Variants in RXRA observed in about 807,000 individuals in gnomAD.
RXRA encodes the protein retinoic acid receptor RXR-alpha.
Under a neutral mutation model 44.5 loss-of-function variants are expected in RXRA, and 5 were observed. That is an observed-to-expected ratio of 0.11 (90% CI 0.06 to 0.24). The LOEUF is 0.24. RXRA is among the 10% of genes least tolerant of loss of function. The pLI is 1.00. For synonymous variants in RXRA, 291 were observed against 271.4 expected, an observed-to-expected ratio of 1.07 and a Z score of -0.71; for missense variants, 412 against 646.5, an observed-to-expected ratio of 0.64 and a Z score of 3.93.
chr9:134,390,071 G>A (rs1016418807), intron 1 of RXRA, among the ~76,000 whole-genome samples: 3 of 152,214 alleles, frequency 2.0e-5, no homozygotes, highest in South Asian at 2.1e-4. Flanking sequence ...GGGGGTGGCC[G>A]TCCTGGGGGC....
intron 6 of RXRA, chr9:134,423,633 C>G (rs973827819): frequency 2.3e-5 from 23 of 985,360 alleles, no homozygotes; most frequent in South Asian, 4.7e-5. Context: ...CCGCTGGCCT[C>G]GTGTCTGGTG....
At chr9:134,378,626 C>T (rs1035425785) in intron 1 of RXRA, among the ~76,000 whole-genome samples, 3 of 152,222 alleles carry the variant, frequency 2.0e-5, no homozygotes, top group Admixed American at 6.5e-5. Flanking sequence ...CTGCCCCTGC[C>T]AGCCTCAGGA....
intron 1 of RXRA, among the ~76,000 whole-genome samples, chr9:134,334,310 C>T (rs1352764589): frequency 6.6e-6 from 1 of 152,256 alleles, no homozygotes; most frequent in African/African-American, 2.4e-5. Flanking sequence ...GGATCAGAAG[C>T]ACCTCTCCTG....
At position 134,342,618 on chromosome 9, in the gene RXRA, C is replaced by T. The variant is rs546872559; in HGVS notation, c.28+15959C>T. On this transcript the variant is annotated intron_variant, in intron 1 of 9. Transcript: ENST00000481739. The surrounding 1 kb of genome is among the most constrained non-coding windows in gnomAD (Gnocchi z 4.4). ...GACTGCTTGGGAGCTGCTGTGAGCC[C>T]AGGCAGGTGGTGGGGCTGCGGGGCT... Among the ~76,000 whole-genome samples, 8 of 152,268 alleles carry T rather than the reference C, an allele frequency of 5.3e-5. No homozygotes were observed. Among genetic ancestry groups the T allele is most frequent in the African/African-American group, 1.4e-4 (6 of 41,558 alleles).
At position 134,349,322 on chromosome 9, in the gene RXRA, C is replaced by A. The variant is rs1408528523; in HGVS notation, c.28+22663C>A. Among the ~76,000 whole-genome samples the A allele has an allele frequency of 4.6e-5, 7 of 152,280 alleles. No homozygotes were observed. The highest frequency in any genetic ancestry group is 1.7e-4 in the African/African-American group (7 of 41,566). On this transcript the variant is annotated intron_variant, in intron 1 of 9. Transcript: ENST00000481739. This position sits in a 1 kb window ranked among gnomAD's most constrained non-coding sequence, Gnocchi z 4.3. ...GGACAGCCGGGTGTCATTGGTGGGCCTGTTGGGCCGGGGCGCCTCGGCCTG... is the reference window on the plus strand; with the variant it reads ...GGACAGCCGGGTGTCATTGGTGGGCATGTTGGGCCGGGGCGCCTCGGCCTG...
chr9:134,399,261 C>T (rs912455467), intron 1 of RXRA, among the ~76,000 whole-genome samples: 6 of 152,212 alleles, frequency 3.9e-5, no homozygotes, highest in Admixed American at 1.3e-4. Flanking sequence ...GTTGCCTGGC[C>T]TAGGGGCAGC....
intron 5 of RXRA, among the ~76,000 whole-genome samples, chr9:134,420,533 C>T (rs911624992): frequency 2.0e-5 from 3 of 152,334 alleles, no homozygotes; most frequent in East Asian, 1.9e-4. Context: ...TGCCATTCCT[C>T]GGGGGCCTTC....
At chr9:134,393,484 G>A (rs1215718760) in intron 1 of RXRA, among the ~76,000 whole-genome samples, 1 of 152,240 alleles carries the variant, frequency 6.6e-6, no homozygotes, top group East Asian at 1.9e-4. Context: ...GGGCATCCCT[G>A]GACAGTGGCC....
intron 1 of RXRA, among the ~76,000 whole-genome samples, chr9:134,338,598 G>A (rs897243837): frequency 6.6e-6 from 1 of 152,254 alleles, no homozygotes; most frequent in Non-Finnish European, 1.5e-5. Context: ...TCCTGCCTAG[G>A]AAGCAGTGAT....
intron 3 of RXRA, 31 bp from the exon 4 acceptor site, chr9:134,408,909 C>A (rs1831101174): frequency 7.0e-7 from 1 of 1,436,336 alleles, no homozygotes; most frequent in African/African-American, 1.5e-5. Context: ...GCGGTGGGTG[C>A]TCCCCAGCCC....
intron 6 of RXRA, chr9:134,425,655 C>T: frequency 1.0e-6 from 1 of 985,006 alleles, no homozygotes; most frequent in Non-Finnish European, 1.2e-6. Context: ...CCCAAGGTCC[C>T]CCTGTGGGGA....
At position 134,368,247 on chromosome 9, in the gene RXRA, C is replaced by G. The variant is rs151294066; in HGVS notation, c.29-33385C>G. Among the ~76,000 whole-genome samples, 598 of 152,340 alleles carry G rather than the reference C, an allele frequency of 3.9e-3. 9 individuals carry two copies. The highest frequency in any genetic ancestry group is 0.013 in the African/African-American group (556 of 41,588). On this transcript the variant is annotated intron_variant, in intron 1 of 9. Coordinates refer to ENST00000481739, the MANE Select transcript of RXRA (RefSeq NM_002957.6). Reference sequence around the variant, plus strand: ...AGTGCCCTGTGTCCCCAGGGCTCTGCTGATGGTCAGCTGGCCTTGACAGGC... The same window carrying G: ...AGTGCCCTGTGTCCCCAGGGCTCTGGTGATGGTCAGCTGGCCTTGACAGGC...
rs1215351541 is a variant in RXRA, at chr9:134,438,450, G to A, written c.*1836G>A. The A allele has an allele frequency of 3.3e-5, 5 of 152,260 alleles. No individual in the cohort carries two copies. The highest frequency in any genetic ancestry group is 1.9e-4 in the East Asian group (1 of 5,190). 9.4% of individuals were successfully genotyped at this position (152,260 alleles called of 1,614,324 possible). A position where few individuals can be genotyped will look rare whatever the true frequency, so the allele number is the denominator to read the frequency against. On this transcript the variant is annotated 3_prime_UTR_variant, in exon 10 of 10. Coordinates refer to ENST00000481739, the MANE Select transcript of RXRA (RefSeq NM_002957.6). ...AGACAGGCTGTCAGAGATTCCAGAA[G>A]CCTCTCCTCCCCGCCGCCCTCCACC...
In RXRA at chr9:134,439,599, G is replaced by C. The variant is rs139749844; in HGVS notation, c.*2985G>C. ...TGGTGGCAGTGCTGGAGATGACCCCGAGCCCCTCCCCGTGGGGCACCCAGG... is the reference window on the plus strand; with the variant it reads ...TGGTGGCAGTGCTGGAGATGACCCCCAGCCCCTCCCCGTGGGGCACCCAGG... On this transcript the variant is annotated 3_prime_UTR_variant, in exon 10 of 10. Transcript: ENST00000481739. 2.0e-5 allele frequency: 3 copies of C among 152,344 alleles called. No homozygotes were observed. The highest frequency in any genetic ancestry group is 7.2e-5 in the African/African-American group (3 of 41,454). 9.4% of individuals were successfully genotyped at this position (152,344 alleles called of 1,614,324 possible).
chr9:134,423,529 C>G, intron 6 of RXRA: 1 of 985,128 alleles, frequency 1.0e-6, no homozygotes, highest in Non-Finnish European at 1.2e-6. Flanking sequence ...GGGCCTGGCG[C>G]CGTCGCCACC....
intron 1 of RXRA, among the ~76,000 whole-genome samples, chr9:134,363,563 C>T (rs1449562152): frequency 6.6e-6 from 1 of 152,254 alleles, no homozygotes; most frequent in Non-Finnish European, 1.5e-5. Flanking sequence ...GATGGGCCTA[C>T]ACTGCCCTCC....
intron 4 of RXRA, among the ~76,000 whole-genome samples, chr9:134,414,951 C>T (rs2119172633): frequency 6.6e-6 from 1 of 152,336 alleles, no homozygotes; most frequent in African/African-American, 2.4e-5. Context: ...ATGGAAGTCC[C>T]ATGTGGGGGC....
At chr9:134,420,321 G>A (rs536443056) in intron 5 of RXRA, among the ~76,000 whole-genome samples, 2 of 152,242 alleles carry the variant, frequency 1.3e-5, no homozygotes, top group South Asian at 2.1e-4. Context: ...GGCCTGGGGG[G>A]CGCTGTGCAC....
rs778747208 is a variant in RXRA, at chr9:134,431,864, C to T, written c.1044-41C>T. 3.8e-5 allele frequency: 57 copies of T among 1,501,702 alleles called. No homozygotes were observed. The Middle Eastern group carries it at 7.8e-4, about 21-fold the overall frequency. 93.0% of individuals were successfully genotyped at this position (1,501,702 alleles called of 1,614,324 possible). ...TGGGGTGTGGCCCTGGTGAGGGCTG[C>T]GACCTAACTGGGATGGGGTGTCTGC... On this transcript the variant is annotated intron_variant, in intron 7 of 9. Coordinates refer to ENST00000481739, the MANE Select transcript of RXRA (RefSeq NM_002957.6).
Sources: allele counts gnomAD v4.1 joint callset (sites outside exome capture counted in the v4.1 genomes callset), GRCh38; gene constraint gnomAD v4.1.1; non-coding constraint Gnocchi (gnomAD v3.1); transcripts MANE v1.5; gene names NCBI Gene and HGNC (gene_info 2026-07-23, HGNC 2026-07-21).